BNC2: variants seen among roughly 807,000 people sequenced by gnomAD.
The protein encoded by BNC2 is basonuclin zinc finger protein 2.
Under a neutral mutation model 76.3 loss-of-function variants are expected in BNC2, and 20 were observed. That is an observed-to-expected ratio of 0.26 (90% CI 0.18 to 0.38). The LOEUF (loss-of-function observed/expected upper bound fraction) is 0.38, where lower values mean the gene tolerates loss of function less well. BNC2 is among the 10% of genes least tolerant of loss of function. The probability of loss-of-function intolerance (pLI) is 1.00; values close to 1 mark genes in which losing one functional copy is unlikely to be tolerated. For synonymous variants in BNC2, 582 were observed against 514.8 expected (o/e 1.13, Z -1.77); for missense variants, 1,382 against 1,399.8 (o/e 0.99, Z 0.20).
At chr9:16,492,670 A>G (rs551129766) in intron 5 of BNC2, among the ~76,000 whole-genome samples, 1 of 151,516 alleles carries the variant, frequency 6.6e-6, no homozygotes, top group Admixed American at 6.6e-5. Flanking sequence ...CAGGTTATGC[A>G]TCGAATAAAT....
chr9:16,742,612 T>A (rs1030288149), intron 1 of BNC2, among the ~76,000 whole-genome samples: 4 of 152,226 alleles, frequency 2.6e-5, no homozygotes, highest in Non-Finnish European at 5.9e-5. Context: ...CTAAGTGACC[T>A]GTCATAGAGC....
intron 5 of BNC2, among the ~76,000 whole-genome samples, chr9:16,549,543 T>G (rs188771614): frequency 2.6e-5 from 4 of 152,346 alleles, no homozygotes; most frequent in Admixed American, 2.6e-4. Flanking sequence ...TTTTATAGCC[T>G]ACTTTTACAA....
At chr9:16,447,345 A>T (rs1677925270) in intron 5 of BNC2, among the ~76,000 whole-genome samples, 1 of 152,126 alleles carries the variant, frequency 6.6e-6, no homozygotes, top group South Asian at 2.1e-4. Context: ...TGTAAAGAGG[A>T]GTCATACTAA....
chr9:16,730,443 A>C (rs1272590944), intron 2 of BNC2, among the ~76,000 whole-genome samples: 1 of 152,244 alleles, frequency 6.6e-6, no homozygotes, highest in Non-Finnish European at 1.5e-5. Context: ...TAACAGAATT[A>C]GCCTTTTTTC....
At chr9:16,596,270 G>C (rs927730469) in intron 3 of BNC2, among the ~76,000 whole-genome samples, 1 of 151,916 alleles carries the variant, frequency 6.6e-6, no homozygotes, top group African/African-American at 2.4e-5. Context: ...CTATTTAAGG[G>C]GAAAAATATA....
At chr9:16,640,943 C>T (rs150660549) in intron 3 of BNC2, among the ~76,000 whole-genome samples, 5 of 152,096 alleles carry the variant, frequency 3.3e-5, no homozygotes, top group African/African-American at 1.2e-4. Context: ...AGAAGCAGTA[C>T]GTTCACAGCT....
At chr9:16,623,328 G>A (rs758272075) in intron 3 of BNC2, among the ~76,000 whole-genome samples, 5 of 152,144 alleles carry the variant, frequency 3.3e-5, no homozygotes, top group African/African-American at 9.7e-5. Context: ...CTGTCATGAC[G>A]TGTTTAAAAT....
rs2046417784 is a variant in BNC2, at chr9:16,534,171, A to T, written c.669+18359T>A. 2.0e-5 allele frequency among the ~76,000 whole-genome samples: 3 copies of T among 152,136 alleles called. No homozygotes were observed. The South Asian group carries it at 6.2e-4, about 31-fold the overall frequency. ...GATATTAGAAGATGCAATTTTGAGG[A>T]TTACTAGTTTTGGCACTGTTAAGCT... is the stretch of plus-strand genomic sequence containing the variant. On this transcript the variant is annotated intron_variant, in intron 5 of 6. Coordinates refer to ENST00000380672, the MANE Select transcript of BNC2 (RefSeq NM_017637.6).
At chr9:16,749,753 T>G (rs1397990364) in intron 1 of BNC2, among the ~76,000 whole-genome samples, 1 of 151,346 alleles carries the variant, frequency 6.6e-6, no homozygotes, top group Admixed American at 6.6e-5. Context: ...GTTCCTTGGA[T>G]AGATGAAAGA....
At chr9:16,549,990 A>G (rs1321930880) in intron 5 of BNC2, among the ~76,000 whole-genome samples, 3 of 152,080 alleles carry the variant, frequency 2.0e-5, no homozygotes, top group South Asian at 4.1e-4. Context: ...GTCAAAATCT[A>G]TATTAAAATA....
intron 5 of BNC2, among the ~76,000 whole-genome samples, chr9:16,488,032 CATCTTTGGAGCTCTTTGCTTT>C (rs1434952231): frequency 6.7e-6 from 1 of 149,946 alleles, no homozygotes; most frequent in Non-Finnish European, 1.5e-5. Flanking sequence ...TTTTTGGCCG[CATCTTTGGAGCTCTTTGCTTT>C]ATCTTTGTAC....
intron 1 of BNC2, among the ~76,000 whole-genome samples, chr9:16,852,029 G>C (rs1563971462): frequency 1.3e-5 from 2 of 152,138 alleles, no homozygotes; most frequent in African/African-American, 2.4e-5. Context: ...GTGATCTTTT[G>C]AAGAGTGGGA....
At chr9:16,684,753 A>T (rs1458675622) in intron 3 of BNC2, among the ~76,000 whole-genome samples, 2 of 152,040 alleles carry the variant, frequency 1.3e-5, no homozygotes, top group African/African-American at 4.8e-5. Context: ...TGGCACACAC[A>T]TTCCTTAAAT....
intron 3 of BNC2, among the ~76,000 whole-genome samples, chr9:16,698,329 A>C (rs951062046): frequency 2.0e-5 from 3 of 152,210 alleles, no homozygotes; most frequent in Admixed American, 2.0e-4. Flanking sequence ...TATTAAAAAA[A>C]AAAAATCCAC....
chr9:16,482,107 T>G (rs903106531), intron 5 of BNC2, among the ~76,000 whole-genome samples: 1 of 152,158 alleles, frequency 6.6e-6, no homozygotes, highest in Non-Finnish European at 1.5e-5. Context: ...AAAATATTAG[T>G]AATAATAGAA....
Position 16,801,741 on chromosome 9 carries a change from A to AC in BNC2, c.4-63257_4-63256insG, listed in dbSNP as rs1308336626. 7.4e-3 allele frequency among the ~76,000 whole-genome samples: 549 copies of AC among 74,166 alleles called. 4 individuals carry two copies. Among genetic ancestry groups the AC allele is most frequent in the African/African-American group, 0.021 (472 of 22,206 alleles). The allele number at this position is 74,166 out of a possible 152,430, so 48.7% of individuals were successfully genotyped here. A position where few individuals can be genotyped will look rare whatever the true frequency, so the allele number is the denominator to read the frequency against. ...GACACCCCCTTAAATTAAAAAAAAAAAAACACACACACACAGAAAAAATAA... is the reference window on the plus strand; with the variant it reads ...GACACCCCCTTAAATTAAAAAAAAAACAAACACACACACACAGAAAAAATAA... On this transcript the variant is annotated intron_variant, in intron 1 of 6. Transcript: ENST00000380672.
intron 1 of BNC2, among the ~76,000 whole-genome samples, chr9:16,798,747 C>G (rs944627552): frequency 1.3e-5 from 2 of 152,098 alleles, no homozygotes; most frequent in Admixed American, 6.6e-5. Flanking sequence ...TGCTCCCCAC[C>G]ACCCTGTAAG....
At chr9:16,627,065 A>C (rs750861955) in intron 3 of BNC2, among the ~76,000 whole-genome samples, 1 of 152,176 alleles carries the variant, frequency 6.6e-6, no homozygotes, top group Non-Finnish European at 1.5e-5. Flanking sequence ...ACAGCCCCTG[A>C]GCGCATTCCT....
intron 4 of BNC2, among the ~76,000 whole-genome samples, chr9:16,566,272 T>C (rs369477668): frequency 1.1e-4 from 17 of 152,274 alleles, no homozygotes; most frequent in African/African-American, 3.9e-4. Flanking sequence ...TACTGTTGGA[T>C]GGATGAACAC....
Sources: allele counts gnomAD v4.1 joint callset (sites outside exome capture counted in the v4.1 genomes callset), GRCh38; gene constraint gnomAD v4.1.1; transcripts MANE v1.5; gene names NCBI Gene and HGNC (gene_info 2026-07-23, HGNC 2026-07-21).